The following CA10 variants were observed in gnomAD, a reference collection of about 807,000 sequenced individuals.
The protein encoded by CA10 is carbonic anhydrase 10 (inactive), also known as carbonic anhydrase-related protein 10.
CA10 carries 14 observed loss-of-function variants against 44.2 expected under a neutral mutation model. The observed-to-expected ratio is 0.32, with a 90% CI of 0.21 to 0.50. The LOEUF is 0.50. CA10 is among the 20% of genes least tolerant of loss of function. CA10 has a pLI of 0.99. For missense variants in CA10, 350 were observed against 409.7 expected, an observed-to-expected ratio of 0.85 and a Z score of 1.26; for synonymous variants, 159 against 141.6, an observed-to-expected ratio of 1.12 and a Z score of -0.87.
At chr17:51,969,176 T>C (rs1247698950) in intron 2 of CA10, among the ~76,000 whole-genome samples, 1 of 152,030 alleles carries the variant, frequency 6.6e-6, no homozygotes, top group Non-Finnish European at 1.5e-5. Flanking sequence ...TGCCTAGTTC[T>C]CCACTCAACA....
chr17:52,159,087 C>G (rs962621969), upstream of CA10, among the ~76,000 whole-genome samples: 3 of 152,214 alleles, frequency 2.0e-5, no homozygotes, highest in Admixed American at 1.3e-4. Context: ...AAAAGAACTT[C>G]GTGCTGCGGG....
chr17:51,714,658 C>T lies in CA10; in HGVS notation c.465+32975G>A, dbSNP rs1001269226. 7.9e-5 allele frequency among the ~76,000 whole-genome samples: 12 copies of T among 152,162 alleles called. 1 individual carries two copies. Among genetic ancestry groups the T allele is most frequent in the South Asian group, 6.2e-4 (3 of 4,806 alleles). On this transcript the variant is annotated intron_variant, in intron 4 of 8. Coordinates refer to ENST00000451037, the MANE Select transcript of CA10 (RefSeq NM_020178.5). ...TTGCTCTTGCTAAGACAATGGACTT[C>T]GGTGGTGATGGGAGAAGCTTAGTTT...
chr17:51,877,584 A>T (rs1193146370), intron 3 of CA10, among the ~76,000 whole-genome samples: 1 of 152,174 alleles, frequency 6.6e-6, no homozygotes, highest in Non-Finnish European at 1.5e-5. Context: ...GCAATAAATC[A>T]AATTCAAAGA....
At chr17:52,130,912 T>C (rs1190047492) in intron 1 of CA10, among the ~76,000 whole-genome samples, 1 of 152,106 alleles carries the variant, frequency 6.6e-6, no homozygotes, top group African/African-American at 2.4e-5. Flanking sequence ...TTGTACACCA[T>C]GGTGACTATA....
intron 1 of CA10, among the ~76,000 whole-genome samples, chr17:52,072,962 ATATCGTGGAGATCTGTAAGC>A (rs1237082266): frequency 2.0e-5 from 3 of 152,178 alleles, no homozygotes; most frequent in African/African-American, 4.8e-5. Flanking sequence ...ATATTGGAAA[ATATCGTGGAGATCTGTAAGC>A]TCATGCTGAC....
intron 1 of CA10, among the ~76,000 whole-genome samples, chr17:52,098,846 A>T (rs1364858516): frequency 6.6e-6 from 1 of 152,188 alleles, no homozygotes; most frequent in Non-Finnish European, 1.5e-5. Flanking sequence ...CTAAGGCTCT[A>T]AGACACATCT....
At chr17:52,157,516 A>C (rs1989829240) in intron 1 of CA10, among the ~76,000 whole-genome samples, 2 of 141,356 alleles carry the variant, frequency 1.4e-5, no homozygotes, top group African/African-American at 2.7e-5. Flanking sequence ...AGGACTGCAC[A>C]CAGATCCTAA....
At chr17:52,106,851 G>A (rs886464283) in intron 1 of CA10, among the ~76,000 whole-genome samples, 1 of 152,188 alleles carries the variant, frequency 6.6e-6, no homozygotes, top group Non-Finnish European at 1.5e-5. Flanking sequence ...CTGGCCACAT[G>A]CTGGAGTACA....
At chr17:51,850,493 GGGTGAGGTCTCTGTAATA>G (rs978184596) in intron 3 of CA10, among the ~76,000 whole-genome samples, 3 of 152,136 alleles carry the variant, frequency 2.0e-5, no homozygotes, top group African/African-American at 7.2e-5. Flanking sequence ...CACTTGCAAG[GGGTGAGGTCTCTGTAATA>G]GGTGAGGTCT....
chr17:52,129,171 A>G (rs917405466), intron 1 of CA10, among the ~76,000 whole-genome samples: 2 of 152,166 alleles, frequency 1.3e-5, no homozygotes, highest in African/African-American at 4.8e-5. Context: ...ACTGTCCCCA[A>G]CAGTTATTAG....
intron 1 of CA10, among the ~76,000 whole-genome samples, chr17:52,157,351 A>G (rs1404041396): frequency 6.6e-6 from 1 of 152,028 alleles, no homozygotes; most frequent in African/African-American, 2.4e-5. Flanking sequence ...GCCAGGAACC[A>G]CCGAGTCTGG....
intron 3 of CA10, among the ~76,000 whole-genome samples, chr17:51,883,280 C>A (rs1485229535): frequency 6.6e-6 from 1 of 152,040 alleles, no homozygotes; most frequent in African/African-American, 2.4e-5. Flanking sequence ...TCTGTTGGAT[C>A]ATTCTTCTCT....
intron 3 of CA10, among the ~76,000 whole-genome samples, chr17:51,893,623 G>A (rs1043632198): frequency 1.4e-4 from 21 of 152,152 alleles, no homozygotes; most frequent in Non-Finnish European, 5.9e-5. Context: ...AATCTATAAT[G>A]TATGCTAAAT....
intron 3 of CA10, among the ~76,000 whole-genome samples, chr17:51,854,859 G>T (rs1598083403): frequency 6.6e-6 from 1 of 152,306 alleles, no homozygotes. Flanking sequence ...CTGGGTCCCA[G>T]TGCTTTATCC....
intron 3 of CA10, chr17:51,763,049 T>C (rs1905259795): frequency 6.6e-6 from 1 of 152,016 alleles, no homozygotes; most frequent in South Asian, 2.1e-4. Context: ...GAATAAAACA[T>C]AAAAATCAAA....
intron 2 of CA10, among the ~76,000 whole-genome samples, chr17:52,012,072 T>A (rs1026931388): frequency 6.6e-6 from 1 of 151,934 alleles, no homozygotes; most frequent in African/African-American, 2.4e-5. Context: ...CTGAGCTGGT[T>A]ATGGTAGCTT....
chr17:51,842,153 A>G (rs117390825), intron 3 of CA10, among the ~76,000 whole-genome samples: 344 of 152,374 alleles, frequency 2.3e-3, no homozygotes, highest in Non-Finnish European at 4.2e-3. Context: ...CCTGAACAAA[A>G]TCAGTACTTC....
At chr17:52,002,040 C>T (rs1311448562) in intron 2 of CA10, among the ~76,000 whole-genome samples, 1 of 151,756 alleles carries the variant, frequency 6.6e-6, no homozygotes, top group Non-Finnish European at 1.5e-5. Context: ...GAGATTTATC[C>T]TGGTTTTAAC....
At chr17:52,116,920 C>T (rs1018652843) in intron 1 of CA10, among the ~76,000 whole-genome samples, 3 of 151,980 alleles carry the variant, frequency 2.0e-5, no homozygotes, top group Admixed American at 6.6e-5. Context: ...GTATGCTTTG[C>T]GTGTCTTAAT....
Sources: allele counts gnomAD v4.1 joint callset (sites outside exome capture counted in the v4.1 genomes callset), GRCh38; gene constraint gnomAD v4.1.1; transcripts MANE v1.5; gene names NCBI Gene and HGNC (gene_info 2026-07-23, HGNC 2026-07-21).